Variants in COL5A2 observed in about 807,000 individuals in gnomAD.
COL5A2 encodes the protein collagen alpha-2(V) chain.
In COL5A2, 23 loss-of-function variants were observed where a neutral mutation model predicts 208.2. That is an observed-to-expected ratio of 0.11 (90% CI 0.08 to 0.16). The LOEUF is 0.16. Among genes scored for constraint, COL5A2 ranks in the 10% least tolerant of loss-of-function variants. COL5A2 has a pLI of 1.00. For synonymous variants in COL5A2, 625 were observed against 628.5 expected (o/e 0.99, Z 0.08); for missense variants, 1,590 against 1,956.4 (o/e 0.81, Z 3.53).
the COL5A2 span, among the ~76,000 whole-genome samples, chr2:189,358,089 G>T: frequency 1.3e-5 from 2 of 152,050 alleles, no homozygotes; most frequent in Non-Finnish European, 2.9e-5. Context: ...GATAAACCGG[G>T]TACCTCAGTT....
the COL5A2 span, among the ~76,000 whole-genome samples, chr2:189,383,987 G>A: frequency 3.3e-5 from 5 of 151,592 alleles, no homozygotes; most frequent in South Asian, 4.2e-4. Flanking sequence ...TAGCTCCCAC[G>A]TATGAGTGAG....
intron 45 of COL5A2, 38 bp from the exon 46 acceptor site, chr2:189,045,945 A>G (rs1685658580): frequency 1.3e-6 from 2 of 1,550,954 alleles, no homozygotes; most frequent in South Asian, 2.2e-5. Flanking sequence ...TTTAACATTT[A>G]TTCTAAAACA....
At chr2:189,376,551 G>C in the COL5A2 span, among the ~76,000 whole-genome samples, 1 of 97,328 alleles carries the variant, frequency 1.0e-5, no homozygotes, top group Non-Finnish European at 2.5e-5. Flanking sequence ...CCCAGGTACA[G>C]AGTCTTTTTC....
intron 1 of COL5A2, among the ~76,000 whole-genome samples, chr2:189,154,955 G>A (rs957994018): frequency 2.0e-5 from 3 of 151,920 alleles, no homozygotes; most frequent in African/African-American, 7.3e-5. Context: ...ATAATAATAA[G>A]GTCCCTAAAG....
chr2:189,160,299 T>C (rs1306566225), intron 1 of COL5A2, among the ~76,000 whole-genome samples: 2 of 152,222 alleles, frequency 1.3e-5, no homozygotes, highest in Admixed American at 6.5e-5. Context: ...TTATTATTTG[T>C]AGAGGCAGAA....
intron 2 of COL5A2, among the ~76,000 whole-genome samples, chr2:189,106,205 G>A (rs1312851938): frequency 6.6e-6 from 1 of 151,352 alleles, no homozygotes; most frequent in Non-Finnish European, 1.5e-5. Flanking sequence ...ATTAACTTAT[G>A]GAGAATTTAT....
intron 1 of COL5A2, among the ~76,000 whole-genome samples, chr2:189,155,307 C>T (rs901317646): frequency 2.0e-5 from 3 of 152,078 alleles, no homozygotes; most frequent in Non-Finnish European, 4.4e-5. Flanking sequence ...TTTTAAAATG[C>T]TTTACATCAC....
the COL5A2 span, among the ~76,000 whole-genome samples, chr2:189,355,873 G>A: frequency 2.6e-5 from 4 of 152,154 alleles, no homozygotes; most frequent in African/African-American, 4.8e-5. Flanking sequence ...TCATAGTGTC[G>A]ATGGTCTTTA....
chr2:189,271,154 C>A, the COL5A2 span, among the ~76,000 whole-genome samples: 1 of 152,084 alleles, frequency 6.6e-6, no homozygotes, highest in Admixed American at 6.6e-5. Context: ...TACAAAAAAA[C>A]TACTTTAAAT....
chr2:189,435,198 T>C, the COL5A2 span, among the ~76,000 whole-genome samples: 113 of 152,258 alleles, frequency 7.4e-4, 1 homozygote, highest in African/African-American at 2.4e-3. Context: ...AAGACTTAAA[T>C]GTTAGACCTA....
the COL5A2 span, among the ~76,000 whole-genome samples, chr2:189,437,131 TA>T: frequency 8.5e-5 from 13 of 152,268 alleles, 1 homozygote; most frequent in East Asian, 2.5e-3. Flanking sequence ...TAGGGTAAGT[TA>T]GCATAGTAAG....
At chr2:189,431,838 T>C in the COL5A2 span, among the ~76,000 whole-genome samples, 2 of 151,944 alleles carry the variant, frequency 1.3e-5, no homozygotes, top group African/African-American at 4.8e-5. Context: ...ATTCAGGAAA[T>C]ATAGAGAACA....
At chr2:189,111,230 A>ATG (rs1294993973) in intron 1 of COL5A2, among the ~76,000 whole-genome samples, 81 of 151,728 alleles carry the variant, frequency 5.3e-4, no homozygotes, top group Admixed American at 9.8e-4. Context: ...ACACACATAT[A>ATG]TATGTGTGTG....
At chr2:189,295,557 G>A in the COL5A2 span, among the ~76,000 whole-genome samples, 4 of 152,218 alleles carry the variant, frequency 2.6e-5, no homozygotes, top group African/African-American at 9.6e-5. Context: ...AGAAGTTGCA[G>A]TGAGCTGAGA....
chr2:189,233,315 T>C, the COL5A2 span, among the ~76,000 whole-genome samples: 42 of 151,888 alleles, frequency 2.8e-4, no homozygotes, highest in African/African-American at 9.1e-4. Context: ...AAAGTTATTA[T>C]TGTTTCCTAA....
chr2:189,414,574 C>T, the COL5A2 span, among the ~76,000 whole-genome samples: 2 of 151,664 alleles, frequency 1.3e-5, no homozygotes, highest in Non-Finnish European at 2.9e-5. Context: ...CACGGCAAAA[C>T]CCCCGTCTCT....
At chr2:189,226,579 T>C (rs1000214820), upstream of COL5A2, among the ~76,000 whole-genome samples, 1 of 152,148 alleles carries the variant, frequency 6.6e-6, no homozygotes, top group Non-Finnish European at 1.5e-5. Context: ...ATACATCCAA[T>C]GTTCTGACTT....
the COL5A2 span, among the ~76,000 whole-genome samples, chr2:189,294,516 G>A: frequency 1.3e-5 from 2 of 151,990 alleles, no homozygotes; most frequent in Non-Finnish European, 2.9e-5. Context: ...GTTATTCTTG[G>A]AATTTATCAC....
chr2:189,189,737 A>T (rs2105843861), intron 1 of COL5A2, among the ~76,000 whole-genome samples: 1 of 152,276 alleles, frequency 6.6e-6, no homozygotes, highest in Non-Finnish European at 1.5e-5. Context: ...ATCTTCAAGT[A>T]ATCAATGAGT....
Sources: gnomAD v4.1 joint callset for allele counts (sites outside exome capture counted in the v4.1 genomes callset) on GRCh38, gnomAD v4.1.1 for gene constraint, MANE v1.5 for transcripts, NCBI Gene and HGNC (gene_info 2026-07-23, HGNC 2026-07-21) for gene names.